The following TMEM17 variants were observed in gnomAD, a reference collection of about 807,000 sequenced individuals.
TMEM17 encodes the protein transmembrane protein 17.
TMEM17 carries 15 observed loss-of-function variants against 19.1 expected under a neutral mutation model. The ratio of observed to expected loss-of-function variants is 0.78; its 90% CI spans 0.52 to 1.21. TMEM17 has a LOEUF of 1.21. Among genes scored for constraint, TMEM17 ranks in the 50% most tolerant of loss-of-function variants. TMEM17 has a pLI of 0.00. For synonymous variants in TMEM17, 103 were observed against 86.9 expected (o/e 1.19, Z -1.03); for missense variants, 245 against 242.3 (o/e 1.01, Z -0.07).
the TMEM17 span, among the ~76,000 whole-genome samples, chr2:62,462,645 C>T: frequency 1.3e-5 from 2 of 152,164 alleles, no homozygotes; most frequent in African/African-American, 4.8e-5. Flanking sequence ...TGAAAAGGCC[C>T]CTCGAGGCTA....
the TMEM17 span, among the ~76,000 whole-genome samples, chr2:62,466,435 G>A: frequency 9.2e-5 from 14 of 152,338 alleles, no homozygotes; most frequent in South Asian, 2.3e-3. Flanking sequence ...AACATTCAAC[G>A]TCGGCTGGGA....
the TMEM17 span, among the ~76,000 whole-genome samples, chr2:62,466,420 C>T: frequency 6.6e-6 from 1 of 152,162 alleles, no homozygotes; most frequent in Admixed American, 6.5e-5. Flanking sequence ...GGGAAACAGT[C>T]CAGGAACATT....
the TMEM17 span, among the ~76,000 whole-genome samples, chr2:62,457,054 C>G: frequency 6.6e-6 from 1 of 152,226 alleles, no homozygotes; most frequent in African/African-American, 2.4e-5. The surrounding 1 kb of genome is among the most constrained non-coding windows in gnomAD (Gnocchi z 4.2). Context: ...CACCGCTTCC[C>G]GGTCCCGGGC....
At chr2:62,462,440 C>T in the TMEM17 span, among the ~76,000 whole-genome samples, 1 of 152,178 alleles carries the variant, frequency 6.6e-6, no homozygotes, top group South Asian at 2.1e-4. Context: ...TGGTCTACCC[C>T]ACCCATAGGC....
the TMEM17 span, among the ~76,000 whole-genome samples, chr2:62,466,333 G>T: frequency 6.6e-6 from 1 of 152,154 alleles, no homozygotes; most frequent in African/African-American, 2.4e-5. Flanking sequence ...GAGCATCCTT[G>T]GTGGAAATCC....
At chr2:62,503,997 T>G (rs915727353) in intron 1 of TMEM17, among the ~76,000 whole-genome samples, 1 of 152,224 alleles carries the variant, frequency 6.6e-6, no homozygotes, top group African/African-American at 2.4e-5. Flanking sequence ...GACTAAATTC[T>G]TAAGAGCAGA....
chr2:62,486,932 G>T, the TMEM17 span, among the ~76,000 whole-genome samples: 1 of 152,078 alleles, frequency 6.6e-6, no homozygotes, highest in Non-Finnish European at 1.5e-5. Context: ...GGCAGACACT[G>T]GGGGGTAAAG....
At chr2:62,463,995 C>G in the TMEM17 span, 51 of 152,326 alleles carry the variant, frequency 3.3e-4, no homozygotes, top group African/African-American at 1.0e-3. Context: ...ACCTACCCCC[C>G]CATCCCCTTT....
chr2:62,466,227 T>G, the TMEM17 span, among the ~76,000 whole-genome samples: 1 of 152,130 alleles, frequency 6.6e-6, no homozygotes, highest in East Asian at 1.9e-4. Context: ...GGTTTGATTC[T>G]GCAGGGTGGT....
chr2:62,461,132 C>T, the TMEM17 span, among the ~76,000 whole-genome samples: 1 of 152,192 alleles, frequency 6.6e-6, no homozygotes, highest in Non-Finnish European at 1.5e-5. Context: ...GCCTCTTGGG[C>T]TCCTGTGACG....
At chr2:62,488,326 T>A in the TMEM17 span, among the ~76,000 whole-genome samples, 1 of 152,136 alleles carries the variant, frequency 6.6e-6, no homozygotes, top group Non-Finnish European at 1.5e-5. Flanking sequence ...AAATGCAAAG[T>A]TACTTATATT....
At chr2:62,465,620 T>C in the TMEM17 span, among the ~76,000 whole-genome samples, 2 of 151,950 alleles carry the variant, frequency 1.3e-5, no homozygotes, top group African/African-American at 4.8e-5. Flanking sequence ...ACTCAGCATT[T>C]TGTGAGGAGT....
chr2:62,455,148 C>T, the TMEM17 span, among the ~76,000 whole-genome samples: 1 of 152,248 alleles, frequency 6.6e-6, no homozygotes, highest in East Asian at 1.9e-4. Context: ...CACCCTGTCC[C>T]TGTCCCAGGC....
chr2:62,468,500 G>A, the TMEM17 span, among the ~76,000 whole-genome samples: 2 of 152,220 alleles, frequency 1.3e-5, no homozygotes, highest in Non-Finnish European at 2.9e-5. Flanking sequence ...GTCCTGACTT[G>A]AGCTGTTGAT....
intron 3 of TMEM17, 123 bp downstream of exon 3, chr2:62,502,314 A>T: frequency 1.7e-6 from 1 of 578,914 alleles, no homozygotes. Flanking sequence ...AGAAGTGGTA[A>T]AGCTGGAGTC....
the TMEM17 span, among the ~76,000 whole-genome samples, chr2:62,461,634 C>T: frequency 0.025 from 3,878 of 152,266 alleles, 80 homozygotes; most frequent in Non-Finnish European, 0.033. Context: ...CTAAGGATGG[C>T]CCAGAACCCT....
chr2:62,503,260 C>T (rs2103732843), intron 1 of TMEM17, among the ~76,000 whole-genome samples: 1 of 152,274 alleles, frequency 6.6e-6, no homozygotes, highest in South Asian at 2.1e-4. Flanking sequence ...TTTCAGCATA[C>T]CCTAATCTTA....
chr2:62,471,099 T>A, the TMEM17 span, among the ~76,000 whole-genome samples: 1 of 152,150 alleles, frequency 6.6e-6, no homozygotes, highest in Non-Finnish European at 1.5e-5. Context: ...TTGGGCCCCG[T>A]GACCTGAGGA....
chr2:62,504,470 T>A (rs1573438123), intron 1 of TMEM17, among the ~76,000 whole-genome samples: 1 of 152,226 alleles, frequency 6.6e-6, no homozygotes, highest in Non-Finnish European at 1.5e-5. Flanking sequence ...GAAACTGTAG[T>A]CAAATTTTGC....
Sources: allele counts gnomAD v4.1 joint callset (sites outside exome capture counted in the v4.1 genomes callset), GRCh38; gene constraint gnomAD v4.1.1; non-coding constraint Gnocchi (gnomAD v3.1); transcripts MANE v1.5; gene names NCBI Gene and HGNC (gene_info 2026-07-23, HGNC 2026-07-21).